The following SLCO1B3 variants were observed in gnomAD, a reference collection of about 807,000 sequenced individuals.
The protein encoded by SLCO1B3 is solute carrier organic anion transporter family member 1B3.
SLCO1B3 carries 72 observed loss-of-function variants against 71.8 expected under a neutral mutation model. That is an observed-to-expected ratio of 1.00 (90% CI 0.83 to 1.22). The LOEUF is 1.22. SLCO1B3 is among the 50% of genes most tolerant of loss of function. The pLI is 0.00. For missense variants in SLCO1B3, 911 were observed against 819.7 expected (o/e 1.11, Z -1.36); for synonymous variants, 298 against 278.4 (o/e 1.07, Z -0.70).
At chr12:20,889,494 T>C (rs1288918891) in intron 13 of SLCO1B3, among the ~76,000 whole-genome samples, 1 of 152,292 alleles carries the variant, frequency 6.6e-6, no homozygotes, top group Non-Finnish European at 1.5e-5. Flanking sequence ...TATGTAGAGA[T>C]GGTCATAGTA....
chr12:20,816,968 TTCCTA>T (rs1467838318), intron 3 of SLCO1B3, among the ~76,000 whole-genome samples: 1 of 152,258 alleles, frequency 6.6e-6, no homozygotes, highest in African/African-American at 2.4e-5. Flanking sequence ...TGAGCACTTC[TTCCTA>T]TGCCTGTGTG....
chr12:20,839,565 CCT>C (rs955183147), intron 3 of SLCO1B3, among the ~76,000 whole-genome samples: 4 of 151,592 alleles, frequency 2.6e-5, no homozygotes, highest in African/African-American at 9.7e-5. Context: ...TTTTATTTTC[CCT>C]CTGGTTTCTT....
At chr12:20,894,320 A>C (rs373409351) in intron 13 of SLCO1B3, among the ~76,000 whole-genome samples, 2 of 152,152 alleles carry the variant, frequency 1.3e-5, no homozygotes, top group Admixed American at 6.6e-5. Flanking sequence ...CACATCAGTG[A>C]GGATGTGAGT....
At chr12:20,833,784 C>T (rs1565582167) in intron 3 of SLCO1B3, among the ~76,000 whole-genome samples, 3 of 147,020 alleles carry the variant, frequency 2.0e-5, no homozygotes, top group Non-Finnish European at 1.5e-5. Flanking sequence ...TCATCTATCT[C>T]TCTATTTCAT....
intron 15 of SLCO1B3, among the ~76,000 whole-genome samples, chr12:20,904,486 T>G (rs1406881511): frequency 2.6e-5 from 4 of 152,058 alleles, no homozygotes; most frequent in Non-Finnish European, 4.4e-5. Flanking sequence ...TCCACTCCTG[T>G]GGCTCTGCAG....
chr12:20,824,427 G>A (rs1222284582), intron 3 of SLCO1B3, among the ~76,000 whole-genome samples: 2 of 152,014 alleles, frequency 1.3e-5, no homozygotes, highest in Non-Finnish European at 2.9e-5. Flanking sequence ...TTATTTTTTA[G>A]GAGTACTCCT....
At chr12:20,818,060 A>G (rs1338538420) in intron 3 of SLCO1B3, among the ~76,000 whole-genome samples, 1 of 152,046 alleles carries the variant, frequency 6.6e-6, no homozygotes, top group Non-Finnish European at 1.5e-5. Flanking sequence ...TAGGGATGAA[A>G]AGTTTTTTTG....
At chr12:20,860,631 G>GTGTGTGTGTGTA (rs1388844776) in intron 5 of SLCO1B3, among the ~76,000 whole-genome samples, 7 of 151,714 alleles carry the variant, frequency 4.6e-5, no homozygotes, top group African/African-American at 1.5e-4. Flanking sequence ...GTGTGTGTGT[G>GTGTGTGTGTGTA]TGTGTACATG....
At chr12:20,909,135 T>C (rs1338627398) in intron 15 of SLCO1B3, among the ~76,000 whole-genome samples, 1 of 151,760 alleles carries the variant, frequency 6.6e-6, no homozygotes, top group East Asian at 1.9e-4. Flanking sequence ...CTTGATTTCC[T>C]TGATGACATA....
chr12:20,854,764 A>G (rs1407233259), intron 3 of SLCO1B3, among the ~76,000 whole-genome samples: 1 of 152,162 alleles, frequency 6.6e-6, no homozygotes, highest in Non-Finnish European at 1.5e-5. Context: ...AAATCAGTTA[A>G]TGAAATTAGT....
chr12:20,866,849 C>T (rs1865382267), intron 8 of SLCO1B3, among the ~76,000 whole-genome samples: 1 of 152,068 alleles, frequency 6.6e-6, no homozygotes, highest in Non-Finnish European at 1.5e-5. Context: ...GGTTTATGAT[C>T]GGAACTGTTC....
At chr12:20,886,130 C>G (rs1485835762) in intron 13 of SLCO1B3, among the ~76,000 whole-genome samples, 2 of 151,810 alleles carry the variant, frequency 1.3e-5, no homozygotes, top group Non-Finnish European at 2.9e-5. Flanking sequence ...AAGGATGATC[C>G]CAAGGTTCTG....
At chr12:20,879,072 C>T (rs577367568) in intron 10 of SLCO1B3, among the ~76,000 whole-genome samples, 6 of 152,108 alleles carry the variant, frequency 3.9e-5, no homozygotes, top group South Asian at 2.1e-4. Flanking sequence ...TTTTTAGACA[C>T]GTAAATATTC....
chr12:20,835,030 T>C (rs973780429), intron 3 of SLCO1B3, among the ~76,000 whole-genome samples: 1 of 152,168 alleles, frequency 6.6e-6, no homozygotes, highest in Non-Finnish European at 1.5e-5. Flanking sequence ...AAACTTCACT[T>C]CTTGACTTCT....
chr12:20,863,296 G>C (rs1035520092), intron 8 of SLCO1B3, among the ~76,000 whole-genome samples: 4 of 152,042 alleles, frequency 2.6e-5, no homozygotes, highest in African/African-American at 9.7e-5. Context: ...CTTTGGTTGT[G>C]GTCATTTTTC....
intron 5 of SLCO1B3, among the ~76,000 whole-genome samples, chr12:20,859,489 T>A (rs115457343): frequency 0.032 from 2,192 of 67,616 alleles, 48 homozygotes; most frequent in African/African-American, 0.075. Context: ...TTCTGTTTTT[T>A]TCCCCCTCTA....
intron 1 of SLCO1B3, among the ~76,000 whole-genome samples, chr12:20,812,158 C>G (rs148796943): frequency 6.6e-6 from 1 of 152,026 alleles, no homozygotes; most frequent in Non-Finnish European, 1.5e-5. Context: ...CTGCCCGCCT[C>G]GGCCTCCCAA....
intron 3 of SLCO1B3, among the ~76,000 whole-genome samples, chr12:20,820,597 A>T (rs118057730): frequency 0.088 from 13,376 of 152,200 alleles, 682 homozygotes; most frequent in Non-Finnish European, 0.12. Flanking sequence ...ACTTTGTTTT[A>T]TTACTGTACA....
chr12:20,900,359 CACAAA>C (rs1445504355), intron 14 of SLCO1B3, among the ~76,000 whole-genome samples: 2 of 152,052 alleles, frequency 1.3e-5, no homozygotes, highest in African/African-American at 4.8e-5. Flanking sequence ...AAGTATGAAT[CACAAA>C]ACAGAACAAG....
Sources: allele counts gnomAD v4.1 joint callset (sites outside exome capture counted in the v4.1 genomes callset), GRCh38; gene constraint gnomAD v4.1.1; transcripts MANE v1.5; gene names NCBI Gene and HGNC (gene_info 2026-07-23, HGNC 2026-07-21).